The following GPR89B variants were observed in gnomAD, a reference collection of about 807,000 sequenced individuals.
GPR89B encodes the protein G protein-coupled receptor 89B.
GPR89B carries 25 observed loss-of-function variants against 52.4 expected under a neutral mutation model. The ratio of observed to expected loss-of-function variants is 0.48; its 90% CI spans 0.35 to 0.67. The LOEUF (loss-of-function observed/expected upper bound fraction) is 0.67, where lower values mean the gene tolerates loss of function less well. Among genes scored for constraint, GPR89B ranks in the 30% least tolerant of loss-of-function variants. The pLI, the probability that GPR89B is intolerant of heterozygous loss-of-function variation, is 0.01. For missense variants in GPR89B, 146 were observed against 450.2 expected (o/e 0.32, Z 6.11); for synonymous variants, 52 against 151.2 (o/e 0.34, Z 4.81).
intron 7 of GPR89B, among the ~76,000 whole-genome samples, chr1:147,963,948 A>C (rs1405670686): frequency 2.0e-5 from 3 of 152,166 alleles, no homozygotes; most frequent in Admixed American, 6.5e-5. Flanking sequence ...ATACCGTATG[A>C]TTCTAGTTAT....
At chr1:148,018,113 G>C in the GPR89B span, among the ~76,000 whole-genome samples, 1 of 147,276 alleles carries the variant, frequency 6.8e-6, no homozygotes, top group Admixed American at 6.7e-5. Context: ...AAACAGAACA[G>C]TCTACTTAAG....
chr1:147,931,927 GTCTTTT>G (rs1445544640), intron 1 of GPR89B, among the ~76,000 whole-genome samples: 1 of 152,086 alleles, frequency 6.6e-6, no homozygotes, highest in African/African-American at 2.4e-5. Context: ...TGTTCTGAAA[GTCTTTT>G]TAAGCTTTCT....
intron 2 of GPR89B, among the ~76,000 whole-genome samples, 199 bp downstream of exon 2, chr1:147,936,885 C>T (rs1553248037): frequency 3.3e-5 from 5 of 151,682 alleles, no homozygotes; most frequent in Non-Finnish European, 7.4e-5. Flanking sequence ...CAAATATAGC[C>T]CAGAAGTTAG....
In GPR89B at chr1:147,987,896, A is replaced by G. The variant is rs1464548565; in HGVS notation, c.1006-536A>G. On this transcript the variant is annotated intron_variant, in intron 11 of 13. Coordinates refer to ENST00000314163, the MANE Select transcript of GPR89B (RefSeq NM_016334.5). The stretch of plus-strand genomic sequence containing the variant: ...TATATATTCTTTTACTATAAAAAGA[A>G]AGATTCCTTGAAGTTTTGGTGATTA... 7.7e-3 allele frequency among the ~76,000 whole-genome samples: 1,166 copies of G among 151,658 alleles called. 24 individuals are homozygous for G. The highest frequency in any genetic ancestry group is 0.046 in the East Asian group (236 of 5,112).
At chr1:147,938,685 A>C (rs1160909636) in intron 2 of GPR89B, 29 bp from the exon 3 acceptor site, 2 of 1,590,490 alleles carry the variant, frequency 1.3e-6, no homozygotes, top group Non-Finnish European at 1.7e-6. Context: ...CAAGGAAATA[A>C]CTTCTAGTCT....
chr1:148,017,750 TA>T, the GPR89B span, among the ~76,000 whole-genome samples: 17 of 146,318 alleles, frequency 1.2e-4, no homozygotes, highest in East Asian at 2.0e-4. Context: ...AATAAATAAA[TA>T]AAATAAAATA....
chr1:147,949,595 A>G (rs587696387), intron 5 of GPR89B, among the ~76,000 whole-genome samples: 2,832 of 96,510 alleles, frequency 0.029, 124 homozygotes, highest in African/African-American at 0.045. Context: ...ACCTCCCTCC[A>G]GGACCGGGCA....
At chr1:147,976,973 G>A (rs1657875680) in intron 10 of GPR89B, among the ~76,000 whole-genome samples, 1 of 151,674 alleles carries the variant, frequency 6.6e-6, no homozygotes. Context: ...GGTGGCTCAC[G>A]CCGGTAATCC....
chr1:147,965,510 G>T lies in GPR89B; in HGVS notation c.618-1044G>T, dbSNP rs1377488340. Reference sequence around the variant, plus strand: ...CCCTTTAAATCAATTATGTACAAATGATCTTTTATTTTGATCCTCACTAGG... The same window carrying T: ...CCCTTTAAATCAATTATGTACAAATTATCTTTTATTTTGATCCTCACTAGG... On this transcript the variant is annotated intron_variant, in intron 7 of 13. Coordinates refer to ENST00000314163, the MANE Select transcript of GPR89B (RefSeq NM_016334.5). 2.6e-5 allele frequency among the ~76,000 whole-genome samples: 4 copies of T among 152,088 alleles called. No individual in the cohort carries two copies. In the South Asian group the frequency reaches 8.3e-4, roughly 32 times the overall value.
intron 5 of GPR89B, among the ~76,000 whole-genome samples, chr1:147,945,956 G>T (rs781883415): frequency 6.6e-6 from 1 of 152,062 alleles, no homozygotes; most frequent in Non-Finnish European, 1.5e-5. Context: ...GAACTCCTGA[G>T]CTCAGGGGAT....
intron 10 of GPR89B, among the ~76,000 whole-genome samples, chr1:147,978,786 G>C (rs1439768547): frequency 6.6e-6 from 1 of 151,906 alleles, no homozygotes; most frequent in East Asian, 1.9e-4. Flanking sequence ...TGTGCTGTGG[G>C]GAATTCCTCC....
chr1:147,937,672 TCTA>T (rs1654202511), intron 2 of GPR89B, among the ~76,000 whole-genome samples: 1 of 152,176 alleles, frequency 6.6e-6, no homozygotes, highest in Non-Finnish European at 1.5e-5. Flanking sequence ...AGAATATGAC[TCTA>T]TTCTGCCCAA....
chr1:147,950,417 G>T (rs1230356851), intron 5 of GPR89B, among the ~76,000 whole-genome samples: 6 of 151,350 alleles, frequency 4.0e-5, no homozygotes, highest in Non-Finnish European at 8.8e-5. Context: ...AGATGGTATG[G>T]CGGCCGGGCA....
At chr1:148,021,117 C>T in the GPR89B span, among the ~76,000 whole-genome samples, 14 of 151,954 alleles carry the variant, frequency 9.2e-5, no homozygotes, top group African/African-American at 3.2e-4. Flanking sequence ...TGTCGGATCC[C>T]TGCAATACAA....
At chr1:148,023,786 TA>T in the GPR89B span, among the ~76,000 whole-genome samples, 2 of 151,710 alleles carry the variant, frequency 1.3e-5, no homozygotes, top group African/African-American at 4.9e-5. Context: ...GTAATGGGAT[TA>T]TTTTTTTTCT....
chr1:147,998,880 CAAAAAAA>C, the GPR89B span, among the ~76,000 whole-genome samples: 2 of 77,738 alleles, frequency 2.6e-5, no homozygotes, highest in Non-Finnish European at 5.3e-5. Flanking sequence ...GACTCTGTCT[CAAAAAAA>C]AAAAAAAAAA....
chr1:147,994,216 C>A, downstream of GPR89B: 2 of 1,596,612 alleles, frequency 1.3e-6, no homozygotes, highest in South Asian at 2.2e-5. Flanking sequence ...GTAAACAGGT[C>A]GCAACTCATT....
intron 5 of GPR89B, among the ~76,000 whole-genome samples, chr1:147,950,297 G>A (rs1655533234): frequency 6.6e-6 from 1 of 151,568 alleles, no homozygotes. Flanking sequence ...TCCCAGACGG[G>A]GCGGCGGGGC....
At chr1:147,949,308 A>G (rs1655305204) in intron 5 of GPR89B, among the ~76,000 whole-genome samples, 2 of 148,762 alleles carry the variant, frequency 1.3e-5, no homozygotes, top group African/African-American at 5.2e-5. Context: ...GGCTGGGCAG[A>G]GGGGCTCCTC....
Sources: allele counts gnomAD v4.1 joint callset (sites outside exome capture counted in the v4.1 genomes callset), GRCh38; gene constraint gnomAD v4.1.1; transcripts MANE v1.5; gene names NCBI Gene and HGNC (gene_info 2026-07-23, HGNC 2026-07-21).